LRRTM4: variants seen among roughly 807,000 people sequenced by gnomAD.
LRRTM4 encodes leucine-rich repeat transmembrane neuronal protein 4.
LRRTM4 carries 25 observed loss-of-function variants against 47.6 expected under a neutral mutation model. The ratio of observed to expected loss-of-function variants is 0.53; its 90% CI spans 0.38 to 0.73. The LOEUF (loss-of-function observed/expected upper bound fraction) is 0.73, where lower values mean the gene tolerates loss of function less well. Among genes scored for constraint, LRRTM4 ranks in the 30% least tolerant of loss-of-function variants. The probability of loss-of-function intolerance (pLI) is 0.00; values close to 1 mark genes in which losing one functional copy is unlikely to be tolerated. For synonymous variants in LRRTM4, 311 were observed against 269.5 expected (o/e 1.15, Z -1.51); for missense variants, 638 against 713.4 (o/e 0.89, Z 1.20).
At chr2:77,067,832 T>C (rs946619784) in intron 3 of LRRTM4, among the ~76,000 whole-genome samples, 10 of 152,064 alleles carry the variant, frequency 6.6e-5, no homozygotes, top group African/African-American at 2.4e-4. Context: ...TTAGTGGATG[T>C]AGTCAAAATT....
chr2:77,001,928 C>T, intron 3 of LRRTM4, among the ~76,000 whole-genome samples: 1 of 152,128 alleles, frequency 6.6e-6, no homozygotes, highest in East Asian at 1.9e-4. Flanking sequence ...CTCCTTAAAA[C>T]ACTCTGCCCT....
intron 3 of LRRTM4, among the ~76,000 whole-genome samples, chr2:77,096,998 A>G (rs1670830016): frequency 6.6e-6 from 1 of 152,028 alleles, no homozygotes; most frequent in Non-Finnish European, 1.5e-5. Flanking sequence ...TATAATGAAC[A>G]CAACAAAAGT....
intron 3 of LRRTM4, among the ~76,000 whole-genome samples, chr2:76,997,062 T>C (rs1440677527): frequency 6.6e-6 from 1 of 152,132 alleles, no homozygotes; most frequent in African/African-American, 2.4e-5. Context: ...TATGCAGAGC[T>C]AGATTTTTTT....
intron 3 of LRRTM4, among the ~76,000 whole-genome samples, chr2:76,994,592 G>C (rs1172291750): frequency 2.0e-5 from 3 of 151,882 alleles, no homozygotes; most frequent in Admixed American, 6.6e-5. Flanking sequence ...TTGTAAATAG[G>C]ATAAAATTTC....
intron 3 of LRRTM4, among the ~76,000 whole-genome samples, chr2:77,297,880 C>T (rs1049811632): frequency 6.6e-6 from 1 of 152,194 alleles, no homozygotes; most frequent in African/African-American, 2.4e-5. Context: ...GACACAAGAT[C>T]ACATGGTCAA....
intron 3 of LRRTM4, among the ~76,000 whole-genome samples, chr2:76,840,880 A>G (rs1189557496): frequency 2.0e-5 from 3 of 151,950 alleles, no homozygotes; most frequent in African/African-American, 7.3e-5. Context: ...TTCCTCAGGG[A>G]TCTAGAACTA....
intron 3 of LRRTM4, among the ~76,000 whole-genome samples, chr2:77,065,874 C>A (rs1169198526): frequency 6.6e-6 from 1 of 152,092 alleles, no homozygotes; most frequent in Non-Finnish European, 1.5e-5. Flanking sequence ...ATGATGCTAG[C>A]CTTATGTATC....
rs1677057025 is a variant in LRRTM4 at position 77,468,308 on chromosome 2, C to A, written c.1551+50010G>T. Among the ~76,000 whole-genome samples the A allele has an allele frequency of 2.0e-5, 3 of 152,098 alleles. No homozygotes were observed. In the South Asian group the frequency reaches 6.2e-4, roughly 32 times the overall value. On this transcript the variant is annotated intron_variant, in intron 3 of 3. Transcript: ENST00000409884. ...AAATATTTAATTTTCAATATAAGCA[C>A]AGTACTATGTTATGTTTGGGGAAGC...
chr2:76,823,378 G>A (rs2103864859), intron 3 of LRRTM4, among the ~76,000 whole-genome samples: 2 of 151,476 alleles, frequency 1.3e-5, no homozygotes, highest in Admixed American at 1.3e-4. Flanking sequence ...CACATACAAT[G>A]AGACAAACCT....
intron 3 of LRRTM4, among the ~76,000 whole-genome samples, chr2:77,220,653 G>A (rs1353192461): frequency 6.6e-6 from 1 of 152,028 alleles, no homozygotes; most frequent in Non-Finnish European, 1.5e-5. Flanking sequence ...GAAGTTTAGA[G>A]AAAAAAGAAT....
At position 76,817,022 on chromosome 2, in the gene LRRTM4, T is replaced by C. The variant is rs766632016; in HGVS notation, c.1552-68106A>G. On this transcript the variant is annotated intron_variant, in intron 3 of 3. Coordinates refer to ENST00000409884, the MANE Select transcript of LRRTM4 (RefSeq NM_001134745.3). ...GTGTTCAGGTTAAGCCAGATTGTTC[T>C]ATTGAATCTTAAAATTTTGATATTA... Among the ~76,000 whole-genome samples, 270 of 151,910 alleles carry C rather than the reference T, an allele frequency of 1.8e-3. 1 individual carries two copies. Among genetic ancestry groups the C allele is most frequent in the Non-Finnish European group, 1.1e-3 (73 of 67,888 alleles).
intron 3 of LRRTM4, among the ~76,000 whole-genome samples, chr2:76,996,731 G>T (rs935507911): frequency 5.9e-5 from 9 of 152,012 alleles, no homozygotes; most frequent in African/African-American, 2.2e-4. Context: ...TGTTAGTAAT[G>T]ATTGATGAAA....
intron 3 of LRRTM4, among the ~76,000 whole-genome samples, chr2:77,360,532 G>GATACGATACGATACGATACGATACA (rs889707555): frequency 9.5e-6 from 1 of 105,782 alleles, no homozygotes; most frequent in African/African-American, 3.6e-5. Context: ...GATACGATAC[G>GATACGATACGATACGATACGATACA]ATACAATACA....
intron 3 of LRRTM4, among the ~76,000 whole-genome samples, chr2:77,307,640 A>G (rs1677322949): frequency 1.7e-5 from 1 of 60,054 alleles, no homozygotes; most frequent in African/African-American, 1.5e-4. Flanking sequence ...ATAAATATAT[A>G]GATATATCTA....
rs570505518 is a variant in LRRTM4 at position 77,329,531 on chromosome 2, A to G, written c.1551+188787T>C. 5.9e-5 allele frequency among the ~76,000 whole-genome samples: 9 copies of G among 152,336 alleles called. No homozygotes were observed. The South Asian group carries it at 1.7e-3, about 28-fold the overall frequency. On this transcript the variant is annotated intron_variant, in intron 3 of 3. Coordinates refer to ENST00000409884, the MANE Select transcript of LRRTM4 (RefSeq NM_001134745.3). ...GCTTGGTAAATCTAGAGTATGCTGA[A>G]CAGTGCTAAATACTAAGAAAAAAAT...
chr2:77,512,893 G>A (rs1679073335), intron 3 of LRRTM4, among the ~76,000 whole-genome samples: 1 of 151,964 alleles, frequency 6.6e-6, no homozygotes, highest in Non-Finnish European at 1.5e-5. Flanking sequence ...GCTAATTCTA[G>A]AAAAAGAAAA....
Position 77,231,863 on chromosome 2 carries a change from TA to T in LRRTM4, c.1551+286454del, listed in dbSNP as rs1674975578. Among the ~76,000 whole-genome samples the T allele has an allele frequency of 2.0e-5, 3 of 152,234 alleles. No homozygotes were observed. In the South Asian group the frequency reaches 6.2e-4, roughly 31 times the overall value. The stretch of plus-strand genomic sequence containing the variant: ...CTGACTTATTTATACTGCAAGCTAC[TA>T]ATTTAGATCCACCCAGGATGAAAAA... On this transcript the variant is annotated intron_variant, in intron 3 of 3. Coordinates refer to ENST00000409884, the MANE Select transcript of LRRTM4 (RefSeq NM_001134745.3).
chr2:77,439,471 T>G (rs2103924904), intron 3 of LRRTM4, among the ~76,000 whole-genome samples: 1 of 152,258 alleles, frequency 6.6e-6, no homozygotes, highest in African/African-American at 2.4e-5. Flanking sequence ...CAAGAAAAGC[T>G]GAAACTATTA....
intron 3 of LRRTM4, among the ~76,000 whole-genome samples, chr2:77,208,216 G>A (rs1380074176): frequency 2.0e-5 from 3 of 151,900 alleles, no homozygotes; most frequent in Non-Finnish European, 4.4e-5. Flanking sequence ...AATATAGTGG[G>A]GAAGACAAAC....
Sources: gnomAD v4.1 joint callset for allele counts (sites outside exome capture counted in the v4.1 genomes callset) on GRCh38, gnomAD v4.1.1 for gene constraint, MANE v1.5 for transcripts, NCBI Gene and HGNC (gene_info 2026-07-23, HGNC 2026-07-21) for gene names.